The following FSTL5 variants were observed in gnomAD, a reference collection of about 807,000 sequenced individuals.
FSTL5 encodes the protein follistatin-related protein 5.
Under a neutral mutation model 89.1 loss-of-function variants are expected in FSTL5, and 62 were observed. The observed-to-expected ratio is 0.70, with a 90% confidence interval of 0.57 to 0.86. FSTL5 has a LOEUF of 0.86. FSTL5 is among the 40% of genes least tolerant of loss of function. The probability of loss-of-function intolerance (pLI) is 0.00; values close to 1 mark genes in which losing one functional copy is unlikely to be tolerated. For missense variants in FSTL5, 1,057 were observed against 1,001.6 expected, an observed-to-expected ratio of 1.06 and a Z score of -0.75; for synonymous variants, 383 against 346.2, an observed-to-expected ratio of 1.11 and a Z score of -1.18.
At chr4:162,133,964 A>C (rs1732419906) in intron 1 of FSTL5, among the ~76,000 whole-genome samples, 1 of 152,168 alleles carries the variant, frequency 6.6e-6, no homozygotes, top group African/African-American at 2.4e-5. Context: ...TCCCATTGGA[A>C]GGGCAATTAA....
intron 4 of FSTL5, among the ~76,000 whole-genome samples, chr4:161,793,302 G>A (rs28360763): frequency 0.03 from 4,609 of 152,300 alleles, 80 homozygotes; most frequent in African/African-American, 0.041. Flanking sequence ...GGCCTAGTGG[G>A]CAGAACAAGC....
chr4:161,995,288 C>T (rs566667500), intron 3 of FSTL5, among the ~76,000 whole-genome samples: 1 of 152,104 alleles, frequency 6.6e-6, no homozygotes, highest in South Asian at 2.1e-4. Flanking sequence ...CTTAGAACTA[C>T]TCTATTGGAT....
intron 6 of FSTL5, among the ~76,000 whole-genome samples, chr4:161,719,462 G>T (rs1739114698): frequency 6.6e-6 from 1 of 152,082 alleles, no homozygotes; most frequent in Non-Finnish European, 1.5e-5. Flanking sequence ...CTTGATTAAA[G>T]TTGCTTTGGC....
chr4:161,406,653 T>A (rs1170966029), intron 15 of FSTL5, among the ~76,000 whole-genome samples: 1 of 152,198 alleles, frequency 6.6e-6, no homozygotes, highest in East Asian at 1.9e-4. Context: ...TATTTCACCT[T>A]TCAATGCTGT....
At chr4:161,909,746 A>C (rs1278172494) in intron 4 of FSTL5, among the ~76,000 whole-genome samples, 1 of 151,946 alleles carries the variant, frequency 6.6e-6, no homozygotes. Context: ...CTCTCATCTA[A>C]AGCTAAATCT....
chr4:161,628,784 C>G (rs1735399973), intron 7 of FSTL5, among the ~76,000 whole-genome samples: 1 of 152,140 alleles, frequency 6.6e-6, no homozygotes, highest in Non-Finnish European at 1.5e-5. Flanking sequence ...TTCACTTGCT[C>G]ATTTCTAATG....
chr4:161,719,296 C>A (rs984052600), intron 6 of FSTL5, among the ~76,000 whole-genome samples: 6 of 152,052 alleles, frequency 3.9e-5, no homozygotes, highest in Admixed American at 3.9e-4. Context: ...ATTTAATTGG[C>A]CTATATGCCT....
At chr4:161,649,912 C>A (rs1736278486) in intron 7 of FSTL5, among the ~76,000 whole-genome samples, 1 of 152,208 alleles carries the variant, frequency 6.6e-6, no homozygotes, top group South Asian at 2.1e-4. Context: ...ATGGCTGGAG[C>A]TCCAGCAGCC....
At chr4:161,834,128 G>A (rs1187850003) in intron 4 of FSTL5, among the ~76,000 whole-genome samples, 1 of 151,694 alleles carries the variant, frequency 6.6e-6, no homozygotes, top group Admixed American at 6.6e-5. Flanking sequence ...TTCATCCCTG[G>A]GATGCAAGGC....
intron 6 of FSTL5, among the ~76,000 whole-genome samples, chr4:161,752,223 G>A (rs1355554728): frequency 2.9e-4 from 39 of 133,604 alleles, no homozygotes; most frequent in African/African-American, 1.0e-3. Flanking sequence ...GATGATAGAT[G>A]GACAGATAGA....
chr4:161,851,853 G>A (rs1046740158), intron 4 of FSTL5, among the ~76,000 whole-genome samples: 1 of 150,110 alleles, frequency 6.7e-6, no homozygotes, highest in African/African-American at 2.5e-5. Context: ...AAATGTTAAA[G>A]TAAAATAGAA....
At chr4:161,947,674 T>C (rs1734772642) in intron 3 of FSTL5, among the ~76,000 whole-genome samples, 1 of 152,008 alleles carries the variant, frequency 6.6e-6, no homozygotes, top group Non-Finnish European at 1.5e-5. Flanking sequence ...TATTTCTTCA[T>C]TATATGTTTT....
chr4:161,781,401 TTG>T (rs779307724), intron 4 of FSTL5, among the ~76,000 whole-genome samples: 119 of 152,196 alleles, frequency 7.8e-4, no homozygotes, highest in Non-Finnish European at 1.3e-3. Flanking sequence ...GTCAATTGTA[TTG>T]TGTTTTTTGA....
chr4:161,420,185 C>T (rs1265095066), intron 15 of FSTL5, among the ~76,000 whole-genome samples: 4 of 152,172 alleles, frequency 2.6e-5, no homozygotes, highest in African/African-American at 9.7e-5. Context: ...CTCCAGGAAC[C>T]AAAGTTTGGG....
chr4:161,545,357 G>A (rs1731967670), intron 8 of FSTL5, among the ~76,000 whole-genome samples: 2 of 151,972 alleles, frequency 1.3e-5, no homozygotes, highest in African/African-American at 4.8e-5. Context: ...GCATGTGTGT[G>A]CACACGTAAT....
chr4:161,831,953 C>A (rs1254733249), intron 4 of FSTL5, among the ~76,000 whole-genome samples: 1 of 151,858 alleles, frequency 6.6e-6, no homozygotes, highest in East Asian at 1.9e-4. Context: ...TTAAGTGATT[C>A]AGATACTAAT....
chr4:161,921,420 A>G (rs1054356551), intron 3 of FSTL5, among the ~76,000 whole-genome samples: 1 of 152,134 alleles, frequency 6.6e-6, no homozygotes, highest in Non-Finnish European at 1.5e-5. Flanking sequence ...AGCAACTTCA[A>G]TTCCTTATGC....
intron 6 of FSTL5, among the ~76,000 whole-genome samples, chr4:161,677,807 T>C (rs1041774837): frequency 3.9e-5 from 6 of 151,972 alleles, no homozygotes; most frequent in African/African-American, 1.4e-4. Flanking sequence ...TTCAAACTTA[T>C]TTTGCTGTCT....
intron 3 of FSTL5, among the ~76,000 whole-genome samples, chr4:161,966,274 T>C (rs886640920): frequency 6.6e-6 from 1 of 152,108 alleles, no homozygotes; most frequent in African/African-American, 2.4e-5. Flanking sequence ...CATCCTGATT[T>C]TGTTGATTTC....
Sources: gnomAD v4.1 joint callset for allele counts (sites outside exome capture counted in the v4.1 genomes callset) on GRCh38, gnomAD v4.1.1 for gene constraint, MANE v1.5 for transcripts, NCBI Gene and HGNC (gene_info 2026-07-23, HGNC 2026-07-21) for gene names.